PDE1C: variants seen among roughly 807,000 people sequenced by gnomAD.
PDE1C encodes phosphodiesterase 1C.
A neutral mutation model predicts 93.1 loss-of-function variants in PDE1C; 62 were observed. The ratio of observed to expected loss-of-function variants is 0.67; its 90% CI spans 0.54 to 0.82. The LOEUF (loss-of-function observed/expected upper bound fraction) is 0.82. Ranked by LOEUF, PDE1C falls within the 40% of genes least tolerant of loss-of-function variation. The pLI is 0.00. For synonymous variants in PDE1C, 325 were observed against 310.1 expected, an observed-to-expected ratio of 1.05 and a Z score of -0.50; for missense variants, 742 against 884.6, an observed-to-expected ratio of 0.84 and a Z score of 2.04.
chr7:31,864,100 C>T (rs1794993236), intron 7 of PDE1C, among the ~76,000 whole-genome samples: 1 of 152,016 alleles, frequency 6.6e-6, no homozygotes, highest in Non-Finnish European at 1.5e-5. Context: ...CCTGTTTTTG[C>T]CTTTAATGGC....
At chr7:32,276,411 C>T (rs1811292444) in intron 1 of PDE1C, among the ~76,000 whole-genome samples, 1 of 152,158 alleles carries the variant, frequency 6.6e-6, no homozygotes, top group African/African-American at 2.4e-5. Context: ...AAACATACAA[C>T]ATCTCCTTCA....
chr7:31,793,760 A>C (rs1033076455), intron 16 of PDE1C, among the ~76,000 whole-genome samples: 1 of 151,694 alleles, frequency 6.6e-6, no homozygotes, highest in Non-Finnish European at 1.5e-5. Flanking sequence ...GTATGGACTT[A>C]ATTGTCCTAG....
chr7:31,995,134 T>A (rs1206018859), intron 2 of PDE1C, among the ~76,000 whole-genome samples: 7 of 152,228 alleles, frequency 4.6e-5, no homozygotes, highest in African/African-American at 1.7e-4. Flanking sequence ...GGACATTTCT[T>A]CTCTTCCATA....
intron 1 of PDE1C, among the ~76,000 whole-genome samples, chr7:32,426,377 T>C (rs1289776396): frequency 6.6e-6 from 1 of 151,678 alleles, no homozygotes; most frequent in Non-Finnish European, 1.5e-5. Flanking sequence ...GGGATTAAGC[T>C]ATCCTACTGC....
the PDE1C span, among the ~76,000 whole-genome samples, chr7:31,704,483 G>T: frequency 1.3e-5 from 2 of 152,194 alleles, no homozygotes; most frequent in Admixed American, 1.3e-4. Context: ...AGAGGACGAA[G>T]GGAAGGAAAT....
intron 1 of PDE1C, among the ~76,000 whole-genome samples, chr7:32,392,091 C>CA (rs148839505): frequency 0.064 from 9,677 of 150,974 alleles, 708 homozygotes; most frequent in African/African-American, 0.17. Context: ...TTAAACTATA[C>CA]AAAAAAAAGA....
At chr7:31,694,387 A>AACACACACAC in the PDE1C span, among the ~76,000 whole-genome samples, 2,008 of 141,646 alleles carry the variant, frequency 0.014, 35 homozygotes, top group African/African-American at 0.033. Flanking sequence ...CTCTCTCTCA[A>AACACACACAC]ACACACACAC....
upstream of PDE1C, among the ~76,000 whole-genome samples, chr7:32,076,036 G>A (rs922827549): frequency 2.0e-5 from 3 of 152,084 alleles, no homozygotes; most frequent in Non-Finnish European, 4.4e-5. Flanking sequence ...TCTGGCCTGG[G>A]CTAACCAAGC....
intron 3 of PDE1C, among the ~76,000 whole-genome samples, chr7:32,139,807 C>T (rs1052200231): frequency 7.2e-5 from 11 of 152,106 alleles, no homozygotes; most frequent in Admixed American, 1.3e-4. Context: ...TCCTCCTTAA[C>T]GAAGACACTG....
At chr7:32,152,619 T>A (rs1801327490) in intron 3 of PDE1C, among the ~76,000 whole-genome samples, 1 of 152,190 alleles carries the variant, frequency 6.6e-6, no homozygotes, top group Non-Finnish European at 1.5e-5. Context: ...GACCCAGTGT[T>A]TCTATTCTAG....
chr7:31,761,749 G>A (rs749665214), intron 17 of PDE1C, among the ~76,000 whole-genome samples: 23 of 152,162 alleles, frequency 1.5e-4, no homozygotes, highest in Non-Finnish European at 3.1e-4. Context: ...TAATTTTACT[G>A]TACTGGAGTT....
chr7:31,792,103 G>A (rs1034634577), intron 16 of PDE1C, among the ~76,000 whole-genome samples: 17 of 152,226 alleles, frequency 1.1e-4, no homozygotes, highest in Admixed American at 5.9e-4. Flanking sequence ...AGCTGGGTCT[G>A]TGACGTGATG....
intron 1 of PDE1C, among the ~76,000 whole-genome samples, chr7:32,273,637 G>GAGGTC (rs1294078899): frequency 6.6e-6 from 1 of 152,154 alleles, no homozygotes; most frequent in Admixed American, 6.5e-5. Context: ...TTCAGAAGAG[G>GAGGTC]AGGTCCATGA....
rs765961590 is a variant in PDE1C at position 31,824,874 on chromosome 7, G to A, written c.1399C>T (p.Arg467Cys). 1.1e-5 allele frequency: 17 copies of A among 1,612,462 alleles called. No homozygotes were observed. Among genetic ancestry groups the A allele is most frequent in the South Asian group, 2.2e-5 (2 of 90,968 alleles). Residue 467 changes from arginine (R) to cysteine (C), a missense_variant, in exon 13 of 18, where the codon CGT becomes TGT. Physicochemically the swap from Arg to Cys is radical, Grantham distance 180. Around this residue, in one of 4 missense-constraint regions of PDE1C, gnomAD observed 454 missense variants for 459.4 expected, o/e 0.99. Coordinates refer to ENST00000396191, the MANE Select transcript of PDE1C (RefSeq NM_001191057.4). Reference protein sequence around the residue: ...TSQTGGTGQRRSSLNSISSSD... With the variant: ...TSQTGGTGQRCSSLNSISSSD... The stretch of plus-strand genomic sequence containing the variant: ...TCAAGCTTCCCCACTGACCTCGAAC[G>A]CCTCTGTCCTGTCCCACCAGTTTGA...
chr7:32,250,271 A>G (rs1162904058), intron 1 of PDE1C, among the ~76,000 whole-genome samples: 1 of 152,318 alleles, frequency 6.6e-6, no homozygotes, highest in East Asian at 1.9e-4. Flanking sequence ...ACATATAAGA[A>G]TGACAGGAAA....
chr7:31,810,968 T>C (rs1000377166), intron 15 of PDE1C, among the ~76,000 whole-genome samples: 12 of 152,118 alleles, frequency 7.9e-5, no homozygotes, highest in African/African-American at 2.4e-4. Context: ...TAGAAGTCAA[T>C]AAACTCTTCA....
At chr7:32,008,877 A>T (rs1786653667) in intron 2 of PDE1C, among the ~76,000 whole-genome samples, 1 of 152,172 alleles carries the variant, frequency 6.6e-6, no homozygotes, top group African/African-American at 2.4e-5. Flanking sequence ...CTTACGTGTA[A>T]ATCAATAGAT....
At chr7:31,896,513 A>AG in intron 2 of PDE1C, among the ~76,000 whole-genome samples, 1 of 152,168 alleles carries the variant, frequency 6.6e-6, no homozygotes, top group Non-Finnish European at 1.5e-5. Context: ...AGCTTTCTTT[A>AG]GCCTTCTTGT....
chr7:31,802,232 T>C (rs765577487), intron 16 of PDE1C, among the ~76,000 whole-genome samples: 1 of 151,540 alleles, frequency 6.6e-6, no homozygotes, highest in Non-Finnish European at 1.5e-5. Flanking sequence ...ATATCTTTGT[T>C]TTGTTGTTTT....
Sources: gnomAD v4.1 joint callset for allele counts (sites outside exome capture counted in the v4.1 genomes callset) on GRCh38, gnomAD v4.1.1 for gene constraint, gnomAD v4.1.1 regional missense constraint, MANE v1.5 for transcripts, NCBI Gene and HGNC (gene_info 2026-07-23, HGNC 2026-07-21) for gene names.